KIAA1217: variants seen among roughly 807,000 people sequenced by gnomAD.
KIAA1217 encodes sickle tail protein homolog.
Under a neutral mutation model 163.9 loss-of-function variants are expected in KIAA1217, and 88 were observed. The observed-to-expected ratio is 0.54, with a 90% CI of 0.45 to 0.64. The LOEUF (loss-of-function observed/expected upper bound fraction) is 0.64, where lower values mean the gene tolerates loss of function less well. Among genes scored for constraint, KIAA1217 ranks in the 30% least tolerant of loss-of-function variants. The pLI is 0.00. For missense variants in KIAA1217, 2,372 were observed against 2,475.0 expected (o/e 0.96, Z 0.88); for synonymous variants, 903 against 923.1 (o/e 0.98, Z 0.39).
chr10:23,993,553 C>CTTTT lies in KIAA1217; in HGVS notation c.-320-13655_-320-13652dup, dbSNP rs200437343. 7.8e-4 allele frequency among the ~76,000 whole-genome samples: 54 copies of CTTTT among 68,936 alleles called. 7 individuals are homozygous for CTTTT. Among genetic ancestry groups the CTTTT allele is most frequent in the Admixed American group, 4.2e-3 (23 of 5,480 alleles). The allele number at this position is 68,936 out of a possible 152,430, so 45.2% of individuals were successfully genotyped here. A position where few individuals can be genotyped will look rare whatever the true frequency, so the allele number is the denominator to read the frequency against. On this transcript the variant is annotated intron_variant, in intron 1 of 18. Transcript: ENST00000376462. ...AAGAGTTTGGCTCTCCATAGCCCAG[C>CTTTT]TTTTTTTTTTTTTTTTTTTTGAGAC...
In KIAA1217 at chr10:24,473,712, T is replaced by C. The variant is rs752025380; in HGVS notation, c.1331T>C (p.Met444Thr). Reference sequence around the variant, plus strand: ...TGTAACCCCTCAATGCAAGCGGAAATGCATATGGAACAATCACTGTACAGA... The same window carrying C: ...TGTAACCCCTCAATGCAAGCGGAAACGCATATGGAACAATCACTGTACAGA... Reference protein sequence around the residue: ...AYCNPSMQAEMHMEQSLYRQK... With the variant: ...AYCNPSMQAETHMEQSLYRQK... Residue 444 changes from methionine to threonine, a missense_variant, in exon 6 of 21, where the codon ATG becomes ACG. Met to Thr is a moderately conservative substitution (Grantham distance 81). This residue lies in a region of KIAA1217 where 1,431 missense variants were observed against 1,470.3 expected (regional missense o/e 0.97). Transcript: ENST00000376454. The C allele has an allele frequency of 3.7e-6, 6 of 1,613,932 alleles. No homozygotes were observed. Among genetic ancestry groups the C allele is most frequent in the Non-Finnish European group, 5.1e-6 (6 of 1,180,004 alleles).
intron 3 of KIAA1217, among the ~76,000 whole-genome samples, chr10:24,400,441 T>A (rs2056391802): frequency 6.6e-6 from 1 of 152,214 alleles, no homozygotes; most frequent in African/African-American, 2.4e-5. Flanking sequence ...GTCCCCATGC[T>A]GATGGAAGCC....
intron 1 of KIAA1217, among the ~76,000 whole-genome samples, chr10:23,794,994 C>A (rs1167780680): frequency 6.6e-6 from 1 of 152,182 alleles, no homozygotes; most frequent in Non-Finnish European, 1.5e-5. Context: ...CTGGGAAGCC[C>A]CAGGGCTTTC....
intron 2 of KIAA1217, among the ~76,000 whole-genome samples, chr10:24,288,805 G>A (rs2078813146): frequency 6.6e-6 from 1 of 152,140 alleles, no homozygotes; most frequent in Non-Finnish European, 1.5e-5. Context: ...GAGACAGCTG[G>A]GGCTGAATCA....
chr10:23,936,185 G>C (rs1043882661), intron 1 of KIAA1217, among the ~76,000 whole-genome samples: 183 of 152,252 alleles, frequency 1.2e-3, no homozygotes, highest in African/African-American at 4.3e-3. Flanking sequence ...ATTCCAGTCA[G>C]CTCCTGGGGT....
chr10:24,487,476 G>A (rs762233388), intron 6 of KIAA1217, among the ~76,000 whole-genome samples: 4 of 152,188 alleles, frequency 2.6e-5, no homozygotes, highest in Admixed American at 6.5e-5. Flanking sequence ...AGCATCCCTA[G>A]GAGTATGTGA....
chr10:24,424,536 T>C (rs16924741), intron 3 of KIAA1217, among the ~76,000 whole-genome samples: 1 of 152,196 alleles, frequency 6.6e-6, no homozygotes, highest in Non-Finnish European at 1.5e-5. Flanking sequence ...ATTTCTACCG[T>C]TGCCTCTAGG....
chr10:23,768,767 A>G (rs1056964605), intron 1 of KIAA1217, among the ~76,000 whole-genome samples: 6 of 152,112 alleles, frequency 3.9e-5, no homozygotes, highest in African/African-American at 1.2e-4. Flanking sequence ...GGGTTCAAGG[A>G]TTATTGACTT....
rs142036471 is a variant in KIAA1217, at chr10:24,284,748, A to G, written c.354+64839A>G. ...TAGAATGATTTATTTTCTTTTGGGT[A>G]TATACCCAATAAGGAGATTGCTAGG... On this transcript the variant is annotated intron_variant, in intron 2 of 20. Transcript: ENST00000376454. Among the ~76,000 whole-genome samples the G allele has an allele frequency of 2.6e-4, 40 of 152,286 alleles. 2 individuals are homozygous for G. Among genetic ancestry groups the G allele is most frequent in the African/African-American group, 9.4e-4 (39 of 41,554 alleles).
At position 24,028,685 on chromosome 10, in the gene KIAA1217, G is replaced by A. The variant is rs1037741945; in HGVS notation, c.-171+21311G>A. On this transcript the variant is annotated intron_variant, in intron 2 of 18. Coordinates refer to the KIAA1217 transcript ENST00000376462. ...TGCTTAAGCTTGGCAATGGGTACAT[G>A]TGTATTCTTTGCATTGTTTTTATCT... Among the ~76,000 whole-genome samples, 11 of 152,090 alleles carry A rather than the reference G, an allele frequency of 7.2e-5. 1 individual carries two copies. In the East Asian group the frequency reaches 2.1e-3, roughly 29 times the overall value.
At chr10:24,050,382 T>G (rs560728624) in intron 2 of KIAA1217, among the ~76,000 whole-genome samples, 1 of 152,358 alleles carries the variant, frequency 6.6e-6, no homozygotes, top group South Asian at 2.1e-4. Context: ...TCTTTGCCCA[T>G]GCCTATGTCC....
chr10:24,424,251 G>C (rs2059001469), intron 3 of KIAA1217, among the ~76,000 whole-genome samples: 1 of 152,210 alleles, frequency 6.6e-6, no homozygotes, highest in South Asian at 2.1e-4. Context: ...ACATCAGAAG[G>C]TATCCTAGAG....
chr10:23,795,163 T>C, intron 1 of KIAA1217, among the ~76,000 whole-genome samples: 1 of 152,246 alleles, frequency 6.6e-6, no homozygotes, highest in East Asian at 1.9e-4. Context: ...ATTGACAATT[T>C]AGGGGCTATG....
chr10:24,269,210 TAAAAAAAAAAAAAA>T (rs59746609), intron 2 of KIAA1217, among the ~76,000 whole-genome samples: 124 of 87,074 alleles, frequency 1.4e-3, no homozygotes, highest in Non-Finnish European at 2.5e-3. Flanking sequence ...AAAGTATAAT[TAAAAAAAAAAAAAA>T]AAAAAAAAAG....
upstream of KIAA1217, among the ~76,000 whole-genome samples, chr10:24,206,836 C>G (rs2067579286): frequency 6.6e-6 from 1 of 152,112 alleles, no homozygotes; most frequent in Admixed American, 6.5e-5. Context: ...GGGGAGGGTC[C>G]TAGCAGCTGG....
chr10:24,353,529 CACTCATGA>C lies in KIAA1217; in HGVS notation c.355-27336_355-27329del, dbSNP rs544954919. On this transcript the variant is annotated intron_variant, in intron 2 of 20. Transcript: ENST00000376454. The stretch of plus-strand genomic sequence containing the variant: ...TGACATCACTCAGTGCCCCGCTGAT[CACTCATGA>C]ACTGCAGTTGTACACCAGCTCCAAA... Among the ~76,000 whole-genome samples the C allele has an allele frequency of 2.0e-5, 3 of 152,212 alleles. No individual in the cohort carries two copies. The South Asian group carries it at 6.2e-4, about 32-fold the overall frequency.
At position 24,283,229 on chromosome 10, in the gene KIAA1217, T is replaced by C. The variant is rs1055721474; in HGVS notation, c.354+63320T>C. ...ATAGACACATATCTATATTTCCTTC[T>C]TTCTTTTGCCTTTCCCAGAATGTCA... On this transcript the variant is annotated intron_variant, in intron 2 of 20. Coordinates refer to ENST00000376454, the MANE Select transcript of KIAA1217 (RefSeq NM_019590.5). Among the ~76,000 whole-genome samples, 7 of 152,214 alleles carry C rather than the reference T, an allele frequency of 4.6e-5. No homozygotes were observed. In the East Asian group the frequency reaches 1.3e-3, roughly 29 times the overall value.
At chr10:23,856,714 G>A (rs956045218) in intron 1 of KIAA1217, among the ~76,000 whole-genome samples, 2 of 152,258 alleles carry the variant, frequency 1.3e-5, no homozygotes, top group South Asian at 2.1e-4. Flanking sequence ...CTGGGCAATG[G>A]CAGGCGCCCC....
At chr10:24,503,571 A>C (rs1247088065) in intron 9 of KIAA1217, among the ~76,000 whole-genome samples, 1 of 152,180 alleles carries the variant, frequency 6.6e-6, no homozygotes, top group Non-Finnish European at 1.5e-5. Flanking sequence ...CTCAGTTCCA[A>C]CTGGCTCTTA....
Sources: gnomAD v4.1 joint callset for allele counts (sites outside exome capture counted in the v4.1 genomes callset) on GRCh38, gnomAD v4.1.1 for gene constraint, gnomAD v4.1.1 regional missense constraint, MANE v1.5 for transcripts, NCBI Gene and HGNC (gene_info 2026-07-23, HGNC 2026-07-21) for gene names.